The following FSTL4 variants were observed in gnomAD, a reference collection of about 807,000 sequenced individuals.
FSTL4 encodes follistatin-related protein 4.
A neutral mutation model predicts 78.2 loss-of-function variants in FSTL4; 28 were observed. That is an observed-to-expected ratio of 0.36 (90% CI 0.27 to 0.49). The LOEUF (loss-of-function observed/expected upper bound fraction) is 0.49, where lower values mean the gene tolerates loss of function less well. Ranked by LOEUF, FSTL4 falls within the 20% of genes least tolerant of loss-of-function variation. The pLI, the probability that FSTL4 is intolerant of heterozygous loss-of-function variation, is 0.98. For synonymous variants in FSTL4, 422 were observed against 440.5 expected, an observed-to-expected ratio of 0.96 and a Z score of 0.53; for missense variants, 922 against 1,084.9, an observed-to-expected ratio of 0.85 and a Z score of 2.11.
the FSTL4 span, among the ~76,000 whole-genome samples, chr5:133,759,959 T>C: frequency 6.6e-6 from 1 of 152,248 alleles, no homozygotes; most frequent in Non-Finnish European, 1.5e-5. Context: ...GTGTTTTATG[T>C]CTGGCTGCTG....
chr5:133,465,250 A>G (rs1002501370), intron 3 of FSTL4, among the ~76,000 whole-genome samples: 3 of 152,142 alleles, frequency 2.0e-5, no homozygotes, highest in Non-Finnish European at 2.9e-5. Flanking sequence ...GGGAGCACCC[A>G]TTCTATTTCT....
At chr5:133,804,069 G>A in the FSTL4 span, among the ~76,000 whole-genome samples, 1 of 152,302 alleles carries the variant, frequency 6.6e-6, no homozygotes, top group East Asian at 1.9e-4. Context: ...CCTGAATGTA[G>A]CCTTTCTGAA....
chr5:133,472,948 A>C (rs567200733), intron 3 of FSTL4, among the ~76,000 whole-genome samples: 92 of 152,178 alleles, frequency 6.0e-4, no homozygotes, highest in African/African-American at 2.1e-3. Flanking sequence ...TGTACTGTTC[A>C]CCTTGCCTGG....
At chr5:133,352,349 TATATACACACAC>T (rs1374967090) in intron 4 of FSTL4, among the ~76,000 whole-genome samples, 33 of 148,202 alleles carry the variant, frequency 2.2e-4, no homozygotes, top group Middle Eastern at 7.1e-3. Context: ...TATACACATA[TATATACACACAC>T]ATATATATAC....
At chr5:133,279,910 G>T (rs1032783943) in intron 6 of FSTL4, among the ~76,000 whole-genome samples, 1 of 152,178 alleles carries the variant, frequency 6.6e-6, no homozygotes, top group Non-Finnish European at 1.5e-5. Flanking sequence ...AGAAGACATG[G>T]GGGACAAAGA....
chr5:133,631,302 G>GA, the FSTL4 span, among the ~76,000 whole-genome samples: 166 of 143,358 alleles, frequency 1.2e-3, no homozygotes, highest in African/African-American at 3.1e-3. Flanking sequence ...ACATTTACAA[G>GA]AAAAAAAAAA....
the FSTL4 span, among the ~76,000 whole-genome samples, chr5:133,681,208 G>C: frequency 2.0e-5 from 3 of 152,336 alleles, no homozygotes; most frequent in East Asian, 5.8e-4. Flanking sequence ...GTCCAGGGAG[G>C]GCAGACCCCG....
chr5:133,399,118 C>G (rs1305046068), intron 4 of FSTL4, among the ~76,000 whole-genome samples: 1 of 152,134 alleles, frequency 6.6e-6, no homozygotes, highest in Non-Finnish European at 1.5e-5. Flanking sequence ...TGTGCACACT[C>G]TGATGCAGAA....
At chr5:133,283,577 C>T (rs563514493) in intron 6 of FSTL4, among the ~76,000 whole-genome samples, 1 of 152,200 alleles carries the variant, frequency 6.6e-6, no homozygotes, top group Non-Finnish European at 1.5e-5. Context: ...CAGCAGATCC[C>T]CAGGGGTAAG....
the FSTL4 span, among the ~76,000 whole-genome samples, chr5:133,693,266 T>C: frequency 3.3e-5 from 5 of 152,210 alleles, no homozygotes; most frequent in African/African-American, 1.2e-4. Context: ...CTTTTAAAGA[T>C]GGGCCATTCT....
the FSTL4 span, among the ~76,000 whole-genome samples, chr5:133,686,755 C>T: frequency 6.6e-6 from 1 of 152,222 alleles, no homozygotes; most frequent in Non-Finnish European, 1.5e-5. Flanking sequence ...GATCACTTGA[C>T]TCATGTGTTA....
intron 4 of FSTL4, among the ~76,000 whole-genome samples, chr5:133,343,290 G>A (rs1474851008): frequency 6.6e-6 from 1 of 152,208 alleles, no homozygotes; most frequent in Non-Finnish European, 1.5e-5. Flanking sequence ...TCTCCTTAGG[G>A]CCACTAGCGG....
At chr5:133,378,096 A>C (rs917208660) in intron 4 of FSTL4, among the ~76,000 whole-genome samples, 1 of 152,200 alleles carries the variant, frequency 6.6e-6, no homozygotes. Flanking sequence ...ATAAACAAAA[A>C]CAGATAATTC....
At position 133,220,842 on chromosome 5, in the gene FSTL4, T is replaced by C. The variant is rs1751076946; in HGVS notation, c.1364A>G (p.Tyr455Cys). 6.8e-6 allele frequency: 11 copies of C among 1,611,280 alleles called. No homozygotes were observed. Among genetic ancestry groups the C allele is most frequent in the Non-Finnish European group, 8.5e-6 (10 of 1,177,448 alleles). Residue 455 changes from tyrosine to cysteine, a missense_variant, in exon 12 of 16, where the codon TAT (tyrosine) becomes TGT (cysteine). Coordinates refer to ENST00000265342, the MANE Select transcript of FSTL4 (RefSeq NM_015082.2). ...EEGLSVGNMF[Y>C]VFSDDGIIVI... ...GATGATACCGTCGTCGGAGAAGACA[T>C]AGAACATGTTTCCCACGCTGAGGCC...
chr5:133,818,316 A>G, the FSTL4 span, among the ~76,000 whole-genome samples: 17,359 of 152,210 alleles, frequency 0.11, 1,468 homozygotes, highest in African/African-American at 0.23. Context: ...TGGCCAGAGA[A>G]GCAGCCCCAT....
intron 3 of FSTL4, among the ~76,000 whole-genome samples, chr5:133,513,338 C>T (rs1043792413): frequency 6.6e-6 from 1 of 152,076 alleles, no homozygotes; most frequent in Non-Finnish European, 1.5e-5. Context: ...TGAGGAGAAA[C>T]GTTGAATTGT....
chr5:133,504,479 A>G (rs1457876172), intron 3 of FSTL4, among the ~76,000 whole-genome samples: 1 of 152,018 alleles, frequency 6.6e-6, no homozygotes. Flanking sequence ...CCCATTTTTT[A>G]CAACAGAATA....
intron 6 of FSTL4, among the ~76,000 whole-genome samples, chr5:133,274,688 C>T (rs1315666938): frequency 1.3e-5 from 2 of 152,124 alleles, no homozygotes; most frequent in Admixed American, 6.5e-5. Flanking sequence ...CAGCAGTCCT[C>T]GCTCCAAAGC....
chr5:133,778,601 C>T, the FSTL4 span, among the ~76,000 whole-genome samples: 1 of 152,164 alleles, frequency 6.6e-6, no homozygotes, highest in African/African-American at 2.4e-5. Flanking sequence ...CTGGGTGACA[C>T]ACCGTCCACT....
Sources: allele counts gnomAD v4.1 joint callset (sites outside exome capture counted in the v4.1 genomes callset), GRCh38; gene constraint gnomAD v4.1.1; transcripts MANE v1.5; gene names NCBI Gene and HGNC (gene_info 2026-07-23, HGNC 2026-07-21).